PDIA5: variants seen among roughly 807,000 people sequenced by gnomAD.
PDIA5 encodes protein disulfide isomerase family A member 5.
In PDIA5, 58 loss-of-function variants were observed where a neutral mutation model predicts 77.6. The observed-to-expected ratio is 0.75, with a 90% CI of 0.61 to 0.93. The LOEUF is 0.93. Among genes scored for constraint, PDIA5 ranks in the 40% least tolerant of loss-of-function variants. The probability of loss-of-function intolerance (pLI) is 0.00; values close to 1 mark genes in which losing one functional copy is unlikely to be tolerated. For missense variants in PDIA5, 630 were observed against 647.7 expected (o/e 0.97, Z 0.30); for synonymous variants, 250 against 252.1 (o/e 0.99, Z 0.08).
chr3:123,154,213 A>T (rs1048568056), intron 14 of PDIA5, among the ~76,000 whole-genome samples: 3 of 152,126 alleles, frequency 2.0e-5, no homozygotes, highest in Non-Finnish European at 4.4e-5. Context: ...CAGATGCTGG[A>T]GGTAGGGGCC....
At chr3:123,114,556 G>A (rs1055767004) in intron 7 of PDIA5, among the ~76,000 whole-genome samples, 1 of 152,228 alleles carries the variant, frequency 6.6e-6, no homozygotes, top group Admixed American at 6.5e-5. Flanking sequence ...CTCGGTCTCA[G>A]CCTTGTTCTT....
intron 1 of PDIA5, among the ~76,000 whole-genome samples, chr3:123,080,338 G>T (rs1933967662): frequency 6.6e-6 from 1 of 152,146 alleles, no homozygotes. Flanking sequence ...GCTGGAGACG[G>T]TATGTGAGGA....
chr3:123,096,264 T>C (rs1934435428), intron 3 of PDIA5, among the ~76,000 whole-genome samples: 1 of 152,146 alleles, frequency 6.6e-6, no homozygotes, highest in African/African-American at 2.4e-5. Flanking sequence ...AGTGTCACAA[T>C]CTCGGTTCAT....
intron 15 of PDIA5, among the ~76,000 whole-genome samples, chr3:123,156,767 G>T (rs1936028037): frequency 6.6e-6 from 1 of 152,160 alleles, no homozygotes; most frequent in Admixed American, 6.5e-5. Flanking sequence ...GGGGAGCATG[G>T]TGTCAGGGAG....
At chr3:123,161,246 G>A (rs766413024) in intron 15 of PDIA5, 75 bp from the exon 16 acceptor site, 5 of 1,484,190 alleles carry the variant, frequency 3.4e-6, no homozygotes, top group South Asian at 1.3e-5. Flanking sequence ...TGGACTAGAT[G>A]TGCAATCTGT....
chr3:123,126,519 T>C (rs1359285934), intron 10 of PDIA5, among the ~76,000 whole-genome samples: 2 of 152,114 alleles, frequency 1.3e-5, no homozygotes, highest in South Asian at 4.1e-4. Context: ...CAAAAAGTCC[T>C]CCCCCACCCT....
chr3:123,084,677 C>G (rs1934089467), intron 1 of PDIA5, among the ~76,000 whole-genome samples: 1 of 152,190 alleles, frequency 6.6e-6, no homozygotes, highest in Non-Finnish European at 1.5e-5. Flanking sequence ...TCCGTTCTTC[C>G]ACCTTTGGCT....
intron 3 of PDIA5, among the ~76,000 whole-genome samples, chr3:123,100,555 C>A (rs750845918): frequency 3.9e-5 from 6 of 152,190 alleles, no homozygotes; most frequent in Non-Finnish European, 7.3e-5. Flanking sequence ...TTGCCAGGCC[C>A]ATGGCTGGAA....
At position 123,102,415 on chromosome 3, in the gene PDIA5, G is replaced by T. The variant is rs1437583527; in HGVS notation, c.262G>T (p.Ala88Ser). The change falls in exon 4 of 17, where the codon GCA becomes TCA. Residue 88 changes from alanine to serine, a missense_variant. Ala to Ser is a moderately conservative substitution (Grantham distance 99). Transcript: ENST00000316218. Reference protein sequence around the residue: ...GTICWVDCGDAESRKLCKKMK... With the variant: ...GTICWVDCGDSESRKLCKKMK... ...CCCAACATTTGTGTCTTCCAGTGAT[G>T]CAGAGAGTAGAAAATTGTGCAAGAA... 2.5e-6 allele frequency: 4 copies of T among 1,613,128 alleles called. No homozygotes were observed. Among genetic ancestry groups the T allele is most frequent in the Non-Finnish European group, 1.7e-6 (2 of 1,179,034 alleles).
At chr3:123,088,123 TACTC>T (rs1560502914) in intron 1 of PDIA5, among the ~76,000 whole-genome samples, 1 of 152,184 alleles carries the variant, frequency 6.6e-6, no homozygotes, top group Non-Finnish European at 1.5e-5. Context: ...GAACTTTTCT[TACTC>T]AATCTCTCCA....
intron 10 of PDIA5, among the ~76,000 whole-genome samples, chr3:123,127,147 C>T (rs1302181380): frequency 6.6e-6 from 1 of 152,200 alleles, no homozygotes. Flanking sequence ...TGCATCTTCT[C>T]ATCTATGGCA....
intron 1 of PDIA5, among the ~76,000 whole-genome samples, chr3:123,071,736 G>T (rs75026874): frequency 0.064 from 9,779 of 152,210 alleles, 666 homozygotes; most frequent in African/African-American, 0.17. Flanking sequence ...AAAGAGCAAG[G>T]TGTGGACTGG....
At chr3:123,127,351 A>T (rs1018488773) in intron 10 of PDIA5, among the ~76,000 whole-genome samples, 1 of 152,114 alleles carries the variant, frequency 6.6e-6, no homozygotes, top group African/African-American at 2.4e-5. Flanking sequence ...CTCCCATTGG[A>T]CTCATTCTGA....
intron 1 of PDIA5, among the ~76,000 whole-genome samples, chr3:123,072,424 T>A (rs1304961732): frequency 6.6e-6 from 1 of 151,982 alleles, no homozygotes; most frequent in Non-Finnish European, 1.5e-5. Flanking sequence ...AGTTGTTGAG[T>A]AAGAGATGAT....
Position 123,130,378 on chromosome 3 carries a change from G to A in PDIA5, c.774-102G>A, listed in dbSNP as rs182155739. 1.5e-5 allele frequency: 20 copies of A among 1,314,494 alleles called. No homozygotes were observed. In the Admixed American group the frequency reaches 1.6e-4, roughly 10 times the overall value. The allele number at this position is 1,314,494 out of a possible 1,614,324, so 81.4% of individuals were successfully genotyped here. A position where few individuals can be genotyped will look rare whatever the true frequency, so the allele number is the denominator to read the frequency against. Reference sequence around the variant, plus strand: ...AAAGGCTGAGCCCCTGGAGTGGGCCGTCCCGAGCCCATGGGGAGCTTTGGG... The same window carrying A: ...AAAGGCTGAGCCCCTGGAGTGGGCCATCCCGAGCCCATGGGGAGCTTTGGG... On this transcript the variant is annotated intron_variant, in intron 10 of 16. Coordinates refer to ENST00000316218, the MANE Select transcript of PDIA5 (RefSeq NM_006810.4).
chr3:123,108,658 C>T (rs1045739412), intron 6 of PDIA5, among the ~76,000 whole-genome samples: 54 of 149,142 alleles, frequency 3.6e-4, no homozygotes, highest in Admixed American at 1.7e-3. Flanking sequence ...GAGGCCGAGG[C>T]GGGTGGATCA....
chr3:123,081,820 G>A (rs1420582967), intron 1 of PDIA5, among the ~76,000 whole-genome samples: 1 of 152,232 alleles, frequency 6.6e-6, no homozygotes, highest in Non-Finnish European at 1.5e-5. Context: ...CAGAGATGAG[G>A]AGCTTTTTAA....
chr3:123,103,871 T>C (rs558164515), intron 5 of PDIA5, among the ~76,000 whole-genome samples: 2 of 152,192 alleles, frequency 1.3e-5, no homozygotes, highest in Admixed American at 1.3e-4. Context: ...AGGAACAAGA[T>C]TTAGTTGGGT....
intron 2 of PDIA5, among the ~76,000 whole-genome samples, chr3:123,091,044 G>A (rs997674191): frequency 6.6e-6 from 1 of 152,128 alleles, no homozygotes; most frequent in Non-Finnish European, 1.5e-5. Context: ...AGGGCAGGGG[G>A]TACTTTATCT....
Sources: allele counts gnomAD v4.1 joint callset (sites outside exome capture counted in the v4.1 genomes callset), GRCh38; gene constraint gnomAD v4.1.1; transcripts MANE v1.5; gene names NCBI Gene and HGNC (gene_info 2026-07-23, HGNC 2026-07-21).